The following EPB41L2 variants were observed in gnomAD, a reference collection of about 807,000 sequenced individuals.
EPB41L2 encodes the protein band 4.1-like protein 2.
EPB41L2 carries 43 observed loss-of-function variants against 113.0 expected under a neutral mutation model. The ratio of observed to expected loss-of-function variants is 0.38; its 90% confidence interval spans 0.30 to 0.49. The LOEUF (loss-of-function observed/expected upper bound fraction) is 0.49, where lower values mean the gene tolerates loss of function less well. Among genes scored for constraint, EPB41L2 ranks in the 20% least tolerant of loss-of-function variants. The pLI is 0.95. For missense variants in EPB41L2, 1,147 were observed against 1,223.4 expected (o/e 0.94, Z 0.93); for synonymous variants, 442 against 436.7 (o/e 1.01, Z -0.15).
chr6:131,035,362 C>T (rs1793083304), intron 1 of EPB41L2, among the ~76,000 whole-genome samples: 1 of 152,162 alleles, frequency 6.6e-6, no homozygotes, highest in East Asian at 1.9e-4. Flanking sequence ...TCCAAAGAAA[C>T]TTCAATCACC....
rs148759323 is a variant in EPB41L2, at chr6:130,924,547, T to G, written c.810+2058A>C. Among the ~76,000 whole-genome samples, 360 of 151,944 alleles carry G rather than the reference T, an allele frequency of 2.4e-3. 2 individuals carry two copies. Among genetic ancestry groups the G allele is most frequent in the African/African-American group, 7.6e-3 (314 of 41,410 alleles). The stretch of plus-strand genomic sequence containing the variant: ...GCGCATGCCACCATGCCCGACTAAT[T>G]TTTGTATTTTTAATAGTAGAGACGG... On this transcript the variant is annotated intron_variant, in intron 4 of 19. Coordinates refer to ENST00000337057, the MANE Select transcript of EPB41L2 (RefSeq NM_001431.4).
chr6:130,883,516 T>C (rs1452961714), intron 12 of EPB41L2, among the ~76,000 whole-genome samples: 1 of 152,230 alleles, frequency 6.6e-6, no homozygotes, highest in African/African-American at 2.4e-5. Flanking sequence ...AATGCCAGTG[T>C]ACCCAGTTGT....
intron 1 of EPB41L2, among the ~76,000 whole-genome samples, chr6:130,969,579 T>A (rs895347033): frequency 1.3e-5 from 2 of 152,152 alleles, no homozygotes; most frequent in South Asian, 4.1e-4. Context: ...TCTATCAGTA[T>A]TTACTTAGGG....
At chr6:130,864,922 A>G (rs965409872) in intron 17 of EPB41L2, among the ~76,000 whole-genome samples, 2 of 152,254 alleles carry the variant, frequency 1.3e-5, no homozygotes, top group African/African-American at 4.8e-5. Flanking sequence ...TGATGACTTC[A>G]GCATGCATCA....
chr6:131,052,823 C>T (rs976780239), intron 1 of EPB41L2, among the ~76,000 whole-genome samples: 1 of 152,142 alleles, frequency 6.6e-6, no homozygotes, highest in Non-Finnish European at 1.5e-5. Context: ...TTTTCTAGTG[C>T]TTCTCTGCCC....
Position 130,863,644 on chromosome 6 carries a change from A to C in EPB41L2, c.2904T>G (p.His968Gln), listed in dbSNP as rs924698049. 27 of 1,609,314 alleles carry C rather than the reference A, an allele frequency of 1.7e-5. No individual in the cohort carries two copies. The Admixed American group carries it at 3.7e-4, about 22-fold the overall frequency. Reference sequence around the variant, plus strand: ...TAGAACTTAACTTATTTACCTGGTCATGATCAATATCTCCATCTCCTGTGA... The same window carrying C: ...TAGAACTTAACTTATTTACCTGGTCCTGATCAATATCTCCATCTCCTGTGA... ...IVITGDGDID[H>Q]DQALAQAIRE... The change falls in exon 18 of 20, where the codon CAT becomes CAG. Residue 968 changes from histidine (H) to glutamine (Q), a missense_variant. Coordinates refer to ENST00000337057, the MANE Select transcript of EPB41L2 (RefSeq NM_001431.4).
intron 1 of EPB41L2, among the ~76,000 whole-genome samples, chr6:130,973,101 C>A (rs962129096): frequency 1.3e-5 from 2 of 151,566 alleles, no homozygotes; most frequent in African/African-American, 2.4e-5. Context: ...GGCTCCATCT[C>A]AAAAAAAATA....
intron 13 of EPB41L2, 182 bp from the exon 14 acceptor site, chr6:130,878,432 A>T: frequency 1.7e-6 from 1 of 592,970 alleles, no homozygotes; most frequent in Non-Finnish European, 2.7e-6. Flanking sequence ...TCATGAATTC[A>T]TCAAAATTTG....
intron 19 of EPB41L2, among the ~76,000 whole-genome samples, chr6:130,843,741 T>C (rs913588671): frequency 3.3e-5 from 5 of 152,234 alleles, no homozygotes; most frequent in Admixed American, 6.5e-5. Flanking sequence ...CCTTAGTCTA[T>C]GTCCCCCTCT....
intron 6 of EPB41L2, among the ~76,000 whole-genome samples, chr6:130,903,676 T>TA (rs66501536): frequency 0.42 from 62,093 of 149,448 alleles, 15,000 homozygotes; most frequent in Non-Finnish European, 0.52. Context: ...AATCATCCTT[T>TA]AAAAAAAAAA....
chr6:130,918,272 A>G (rs1801750949), intron 4 of EPB41L2, among the ~76,000 whole-genome samples: 1 of 152,212 alleles, frequency 6.6e-6, no homozygotes, highest in African/African-American at 2.4e-5. Flanking sequence ...ACTAATTTTC[A>G]TAAAGTTAGC....
intron 3 of EPB41L2, among the ~76,000 whole-genome samples, chr6:130,933,570 T>C (rs1351111965): frequency 2.0e-5 from 3 of 152,192 alleles, no homozygotes; most frequent in Non-Finnish European, 4.4e-5. Flanking sequence ...ACCTATATAT[T>C]ATAGATACCC....
chr6:130,974,696 G>C (rs1777730356), intron 1 of EPB41L2, among the ~76,000 whole-genome samples: 1 of 133,726 alleles, frequency 7.5e-6, no homozygotes, highest in Non-Finnish European at 1.7e-5. Context: ...CACTAAGGCA[G>C]CCTCTTTTTT....
chr6:131,033,418 G>C (rs911130495), intron 1 of EPB41L2, among the ~76,000 whole-genome samples: 1 of 152,192 alleles, frequency 6.6e-6, no homozygotes, highest in African/African-American at 2.4e-5. Flanking sequence ...ATTACCATAT[G>C]ACCTAGCAAT....
At position 130,915,100 on chromosome 6, in the gene EPB41L2, G is replaced by A. The variant is rs374329639; in HGVS notation, c.811-6237C>T. Among the ~76,000 whole-genome samples, 6 of 152,082 alleles carry A rather than the reference G, an allele frequency of 3.9e-5. No individual in the cohort carries two copies. The East Asian group carries it at 5.8e-4, about 15-fold the overall frequency. On this transcript the variant is annotated intron_variant, in intron 4 of 19. Coordinates refer to ENST00000337057, the MANE Select transcript of EPB41L2 (RefSeq NM_001431.4). ...GGGCGGATCACGAGGTCAGGAGATC[G>A]AGACCATCCCGGCTAAAACGGTGAA...
chr6:130,854,389 G>A (rs1779627791), intron 19 of EPB41L2, among the ~76,000 whole-genome samples: 1 of 147,772 alleles, frequency 6.8e-6, no homozygotes, highest in African/African-American at 2.4e-5. Context: ...TTATATGTAA[G>A]TTTATACTTT....
At chr6:130,971,464 T>C (rs896487177) in intron 1 of EPB41L2, among the ~76,000 whole-genome samples, 1 of 152,194 alleles carries the variant, frequency 6.6e-6, no homozygotes, top group Non-Finnish European at 1.5e-5. Flanking sequence ...TGTACTTTTA[T>C]TACGTAGAAT....
At chr6:130,986,944 T>C (rs1206545497) in intron 1 of EPB41L2, among the ~76,000 whole-genome samples, 2 of 152,252 alleles carry the variant, frequency 1.3e-5, no homozygotes, top group Admixed American at 1.3e-4. Context: ...TCTGTTTCTA[T>C]AAATTTCCCG....
In EPB41L2 at chr6:130,919,008, T is replaced by A. The variant is rs776779183; in HGVS notation, c.810+7597A>T. On this transcript the variant is annotated intron_variant, in intron 4 of 19. Coordinates refer to ENST00000337057, the MANE Select transcript of EPB41L2 (RefSeq NM_001431.4). The stretch of plus-strand genomic sequence containing the variant: ...TCTTGAGGACTGGATTTTGTCTACA[T>A]AAGCAGATAGAAATTTTTAAAAATT... Among the ~76,000 whole-genome samples, 3 of 152,164 alleles carry A rather than the reference T, an allele frequency of 2.0e-5. No homozygotes were observed. The South Asian group carries it at 6.2e-4, about 32-fold the overall frequency.
Sources: allele counts gnomAD v4.1 joint callset (sites outside exome capture counted in the v4.1 genomes callset), GRCh38; gene constraint gnomAD v4.1.1; transcripts MANE v1.5; gene names NCBI Gene and HGNC (gene_info 2026-07-23, HGNC 2026-07-21).